Variants in ARMC8 observed in about 807,000 individuals in gnomAD.
ARMC8 encodes armadillo repeat-containing protein 8.
A neutral mutation model predicts 99.3 loss-of-function variants in ARMC8; 20 were observed. The observed-to-expected ratio is 0.20, with a 90% confidence interval of 0.14 to 0.29. ARMC8 has a LOEUF of 0.29. ARMC8 is among the 10% of genes least tolerant of loss of function. The probability of loss-of-function intolerance (pLI) is 1.00; values close to 1 mark genes in which losing one functional copy is unlikely to be tolerated. For missense variants in ARMC8, 569 were observed against 809.5 expected (o/e 0.70, Z 3.60); for synonymous variants, 263 against 278.3 (o/e 0.95, Z 0.55).
intron 1 of ARMC8, among the ~76,000 whole-genome samples, chr3:138,195,510 A>C (rs750138623): frequency 9.2e-5 from 14 of 152,166 alleles, no homozygotes; most frequent in Non-Finnish European, 1.9e-4. Context: ...TAGGGTCTTC[A>C]GATTTTACTT....
rs1489087707 is a variant in ARMC8, at chr3:138,187,534, A to G, written c.-21A>G. ...CGGCCCCCGCGCCGGCGCCTGCAGC[A>G]GCCGGGTGGGAAGGCTCAAGATGGC... On this transcript the variant is annotated 5_prime_UTR_variant, in exon 1 of 22. Coordinates refer to ENST00000469044, the MANE Select transcript of ARMC8 (RefSeq NM_001363941.2). 6.5e-7 allele frequency: 1 copy of G among 1,535,390 alleles called. No individual in the cohort carries two copies. Among genetic ancestry groups the G allele is most frequent in the East Asian group, 2.4e-5 (1 of 40,864 alleles).
intron 16 of ARMC8, among the ~76,000 whole-genome samples, chr3:138,272,139 C>T (rs1324300272): frequency 2.6e-5 from 4 of 152,202 alleles, no homozygotes; most frequent in Non-Finnish European, 4.4e-5. Flanking sequence ...AGCTCAGACA[C>T]ACCTCCTACC....
At chr3:138,197,352 A>G (rs1025696493) in intron 1 of ARMC8, among the ~76,000 whole-genome samples, 1 of 152,226 alleles carries the variant, frequency 6.6e-6, no homozygotes, top group African/African-American at 2.4e-5. Flanking sequence ...AAGCAAATAA[A>G]GCCCTTTTTT....
intron 5 of ARMC8, among the ~76,000 whole-genome samples, chr3:138,225,234 C>G (rs987791307): frequency 6.6e-6 from 1 of 151,332 alleles, no homozygotes; most frequent in Non-Finnish European, 1.5e-5. Flanking sequence ...GCCTCCCGAG[C>G]TACTCAGCTG....
intron 2 of ARMC8, among the ~76,000 whole-genome samples, chr3:138,219,826 A>G (rs1487163959): frequency 3.3e-5 from 5 of 152,102 alleles, no homozygotes; most frequent in Admixed American, 2.0e-4. Flanking sequence ...CCTTTTTGTA[A>G]ACTATTAAGA....
chr3:138,225,618 A>C (rs2045653789), intron 5 of ARMC8, among the ~76,000 whole-genome samples: 1 of 152,182 alleles, frequency 6.6e-6, no homozygotes, highest in Non-Finnish European at 1.5e-5. Context: ...ATGTGAAAGA[A>C]TCCTGAGACA....
At chr3:138,284,366 C>G in intron 18 of ARMC8, 65 bp from the exon 19 acceptor site, 1 of 1,303,924 alleles carries the variant, frequency 7.7e-7, no homozygotes, top group Non-Finnish European at 1.1e-6. Flanking sequence ...TGCCCAAGCT[C>G]TTGAGACAGC....
At chr3:138,263,342 G>T (rs1389886743) in intron 12 of ARMC8, among the ~76,000 whole-genome samples, 3 of 152,234 alleles carry the variant, frequency 2.0e-5, no homozygotes, top group South Asian at 4.1e-4. Flanking sequence ...ATTTCATTTT[G>T]TGAGGGCTGA....
chr3:138,249,736 T>A (rs2047040222), intron 12 of ARMC8, among the ~76,000 whole-genome samples: 1 of 151,962 alleles, frequency 6.6e-6, no homozygotes, highest in South Asian at 2.1e-4. Context: ...GCCCACTGGG[T>A]AGAGGGAAGG....
chr3:138,232,435 G>A (rs2046101244), intron 6 of ARMC8, among the ~76,000 whole-genome samples: 1 of 152,136 alleles, frequency 6.6e-6, no homozygotes, highest in South Asian at 2.1e-4. Flanking sequence ...AGAGAGAATT[G>A]CAGTGTGCTT....
intron 11 of ARMC8, among the ~76,000 whole-genome samples, chr3:138,243,069 A>G (rs982845323): frequency 6.6e-5 from 10 of 152,204 alleles, no homozygotes; most frequent in Non-Finnish European, 1.5e-4. Context: ...TACCAATACA[A>G]AGATACATGA....
At chr3:138,246,572 A>G (rs2046890570) in intron 12 of ARMC8, 1 of 985,576 alleles carries the variant, frequency 1.0e-6, no homozygotes, top group Non-Finnish European at 1.2e-6. Flanking sequence ...GGCCCATTAG[A>G]AACAGGAGAA....
rs544833748 is a variant in ARMC8, at chr3:138,204,026, T to G, written c.46-5791T>G. On this transcript the variant is annotated intron_variant, in intron 1 of 21. Coordinates refer to ENST00000469044, the MANE Select transcript of ARMC8 (RefSeq NM_001363941.2). ...TCAGTGTCTTATTCCTTCTCCTCTT[T>G]CTTCAAACCACTCACATTTCTTCCT... is the stretch of plus-strand genomic sequence containing the variant. 1.5e-3 allele frequency among the ~76,000 whole-genome samples: 226 copies of G among 152,298 alleles called. 1 individual carries two copies. The highest frequency in any genetic ancestry group is 2.9e-3 in the Admixed American group (45 of 15,306).
At chr3:138,280,133 AC>A (rs1576981416) in intron 18 of ARMC8, among the ~76,000 whole-genome samples, 1 of 151,750 alleles carries the variant, frequency 6.6e-6, no homozygotes, top group African/African-American at 2.4e-5. Flanking sequence ...CAAACTCCTG[AC>A]CTCAGCTGAT....
At chr3:138,257,703 G>T (rs892835340) in intron 12 of ARMC8, among the ~76,000 whole-genome samples, 4 of 152,068 alleles carry the variant, frequency 2.6e-5, no homozygotes, top group Non-Finnish European at 5.9e-5. Flanking sequence ...AGGAACTCTA[G>T]ACCTTAAATA....
chr3:138,288,475 G>T (rs190029467), intron 19 of ARMC8, among the ~76,000 whole-genome samples: 57 of 152,222 alleles, frequency 3.7e-4, no homozygotes, highest in Non-Finnish European at 6.9e-4. Context: ...CAGCCAGATG[G>T]TTTTTTAAAT....
intron 11 of ARMC8, among the ~76,000 whole-genome samples, chr3:138,243,445 A>G (rs536410501): frequency 6.6e-6 from 1 of 152,180 alleles, no homozygotes. Context: ...GATTTTCATG[A>G]TATGTTAGTT....
intron 21 of ARMC8, 87 bp downstream of exon 21, chr3:138,290,726 T>C: frequency 1.2e-6 from 1 of 829,908 alleles, no homozygotes; most frequent in Non-Finnish European, 1.9e-6. Flanking sequence ...TTAATGGCCA[T>C]ACTTTTTAAA....
At chr3:138,229,527 T>C (rs1204131979) in intron 6 of ARMC8, among the ~76,000 whole-genome samples, 1 of 152,046 alleles carries the variant, frequency 6.6e-6, no homozygotes, top group Non-Finnish European at 1.5e-5. Flanking sequence ...ATTTGTAATT[T>C]TACCACATTT....
Sources: gnomAD v4.1 joint callset for allele counts (sites outside exome capture counted in the v4.1 genomes callset) on GRCh38, gnomAD v4.1.1 for gene constraint, MANE v1.5 for transcripts, NCBI Gene and HGNC (gene_info 2026-07-23, HGNC 2026-07-21) for gene names.